DAB2IP: variants seen among roughly 807,000 people sequenced by gnomAD.
The protein encoded by DAB2IP is DAB2 interacting protein.
Under a neutral mutation model 107.2 loss-of-function variants are expected in DAB2IP, and 28 were observed. That is an observed-to-expected ratio of 0.26 (90% confidence interval 0.19 to 0.36). The LOEUF is 0.36. Ranked by LOEUF, DAB2IP falls within the 10% of genes least tolerant of loss-of-function variation. DAB2IP has a pLI of 1.00. For missense variants in DAB2IP, 1,400 were observed against 1,644.7 expected (o/e 0.85, Z 2.57); for synonymous variants, 755 against 706.4 (o/e 1.07, Z -1.09).
chr9:121,569,868 C>T (rs1829893939), intron 1 of DAB2IP, among the ~76,000 whole-genome samples: 1 of 152,200 alleles, frequency 6.6e-6, no homozygotes, highest in African/African-American at 2.4e-5. Context: ...AAGGTCACTG[C>T]AGCCTTGAAC....
intron 1 of DAB2IP, among the ~76,000 whole-genome samples, chr9:121,663,771 G>A (rs539963406): frequency 4.6e-5 from 7 of 152,342 alleles, no homozygotes; most frequent in African/African-American, 1.7e-4. Context: ...TGGGCCCTGG[G>A]GACATAGAGA....
chr9:121,616,662 T>G (rs1399110510), intron 1 of DAB2IP, among the ~76,000 whole-genome samples: 1 of 152,148 alleles, frequency 6.6e-6, no homozygotes, highest in Non-Finnish European at 1.5e-5. Context: ...TGAAGGGAAG[T>G]AAGGAGTTGA....
At chr9:121,617,510 G>A (rs982470293) in intron 1 of DAB2IP, among the ~76,000 whole-genome samples, 2 of 152,158 alleles carry the variant, frequency 1.3e-5, no homozygotes, top group Non-Finnish European at 2.9e-5. Context: ...CCAATACAGC[G>A]GTTTCCGTGG....
chr9:121,578,624 C>A (rs1353517219), intron 1 of DAB2IP, among the ~76,000 whole-genome samples: 1 of 151,168 alleles, frequency 6.6e-6, no homozygotes, highest in East Asian at 2.0e-4. Context: ...TATGAGGACC[C>A]CCCCATCGAC....
At chr9:121,778,184 G>A (rs1386590607) in intron 14 of DAB2IP, among the ~76,000 whole-genome samples, 1 of 152,194 alleles carries the variant, frequency 6.6e-6, no homozygotes, top group African/African-American at 2.4e-5. Context: ...TGTAGGGGGT[G>A]TGAGCAAGCT....
intron 1 of DAB2IP, among the ~76,000 whole-genome samples, chr9:121,616,621 G>T (rs959280988): frequency 6.6e-6 from 1 of 152,178 alleles, no homozygotes; most frequent in Admixed American, 6.5e-5. Context: ...GCATGGGAGC[G>T]CTCCTGACTG....
exon 13 of DAB2IP, chr9:121,774,395 C>G (rs761320372): frequency 1.2e-6 from 2 of 1,611,192 alleles, no homozygotes; most frequent in African/African-American, 1.3e-5. Flanking sequence ...TAAGGACGAG[C>G]TCAGCCAAGC....
chr9:121,615,410 C>T (rs1345677375), intron 1 of DAB2IP, among the ~76,000 whole-genome samples: 1 of 152,084 alleles, frequency 6.6e-6, no homozygotes, highest in African/African-American at 2.4e-5. Context: ...GGAGAGGTGG[C>T]GTTGTAGACA....
chr9:121,648,031 C>T (rs1161191295), upstream of DAB2IP, among the ~76,000 whole-genome samples: 1 of 151,976 alleles, frequency 6.6e-6, no homozygotes, highest in Non-Finnish European at 1.5e-5. Flanking sequence ...TATTCTCACT[C>T]ATAAGTGGGA....
intron 3 of DAB2IP, among the ~76,000 whole-genome samples, chr9:121,746,805 A>T (rs1335981644): frequency 6.6e-6 from 1 of 152,090 alleles, no homozygotes; most frequent in Non-Finnish European, 1.5e-5. Context: ...ATCATTTCCC[A>T]CTTGGGTCTC....
At chr9:121,762,645 C>T (rs1325985087) in intron 6 of DAB2IP, among the ~76,000 whole-genome samples, 1 of 152,208 alleles carries the variant, frequency 6.6e-6, no homozygotes, top group Non-Finnish European at 1.5e-5. Context: ...CTCCTGGGCA[C>T]CTTGCAGGCT....
chr9:121,609,230 G>T (rs897817966), intron 1 of DAB2IP, among the ~76,000 whole-genome samples: 2 of 152,176 alleles, frequency 1.3e-5, no homozygotes, highest in African/African-American at 4.8e-5. Flanking sequence ...CAGGTGTGAG[G>T]CACTGCGCCC....
At position 121,678,923 on chromosome 9, in the gene DAB2IP, C is replaced by A. The variant is rs1002353362; in HGVS notation, c.228+142C>A. 9.1e-6 allele frequency: 7 copies of A among 771,708 alleles called. No homozygotes were observed. The East Asian group carries it at 1.6e-4, about 18-fold the overall frequency. 47.8% of individuals were successfully genotyped at this position (771,708 alleles called of 1,614,324 possible). On this transcript the variant is annotated intron_variant, in intron 2 of 15. Transcript: ENST00000408936. Reference sequence around the variant, plus strand: ...TCCGGCCTCCCTTGCTCTAGGTATCCGATCCCTCAGCTGCTCCCATCTCCG... The same window carrying A: ...TCCGGCCTCCCTTGCTCTAGGTATCAGATCCCTCAGCTGCTCCCATCTCCG...
At chr9:121,730,358 C>G (rs904097702) in intron 3 of DAB2IP, among the ~76,000 whole-genome samples, 1 of 152,218 alleles carries the variant, frequency 6.6e-6, no homozygotes, top group African/African-American at 2.4e-5. Context: ...AGCTGTTTTC[C>G]TGCAACAGCA....
intron 3 of DAB2IP, among the ~76,000 whole-genome samples, chr9:121,712,316 C>G (rs1830374690): frequency 6.6e-6 from 1 of 152,258 alleles, no homozygotes; most frequent in Non-Finnish European, 1.5e-5. Context: ...TGTGGTCCCA[C>G]TAACCCTTTT....
chr9:121,688,249 G>C (rs1288115849), intron 2 of DAB2IP, among the ~76,000 whole-genome samples: 1 of 152,250 alleles, frequency 6.6e-6, no homozygotes, highest in Non-Finnish European at 1.5e-5. Flanking sequence ...TTATATCTGA[G>C]TTGTCAAGCG....
intron 3 of DAB2IP, among the ~76,000 whole-genome samples, chr9:121,733,012 G>T (rs557740790): frequency 6.6e-6 from 1 of 152,306 alleles, no homozygotes; most frequent in South Asian, 2.1e-4. Flanking sequence ...TCCTGAGTTG[G>T]CCCTCAATCT....
At position 121,635,188 on chromosome 9, in the gene DAB2IP, G is replaced by A. The variant is rs1413311411; in HGVS notation, c.41-43490G>A. 3.3e-5 allele frequency among the ~76,000 whole-genome samples: 5 copies of A among 152,158 alleles called. No homozygotes were observed. Among genetic ancestry groups the A allele is most frequent in the South Asian group, 2.1e-4 (1 of 4,824 alleles). ...GGTCAGCAGGTGGAGAAAGAGAGCC[G>A]TGTGTGGGGTCAAGGAGACCCTGGG... On this transcript the variant is annotated intron_variant, in intron 1 of 16. Transcript: ENST00000259371. This position sits in a 1 kb window ranked among gnomAD's most constrained non-coding sequence, Gnocchi z 4.3.
intron 1 of DAB2IP, among the ~76,000 whole-genome samples, chr9:121,652,415 A>T (rs1832783589): frequency 6.6e-6 from 1 of 152,160 alleles, no homozygotes; most frequent in South Asian, 2.1e-4. Flanking sequence ...CATCAAGCTC[A>T]GGAGGCAGGA....
Sources: allele counts gnomAD v4.1 joint callset (sites outside exome capture counted in the v4.1 genomes callset), GRCh38; gene constraint gnomAD v4.1.1; non-coding constraint Gnocchi (gnomAD v3.1); transcripts MANE v1.5; gene names NCBI Gene and HGNC (gene_info 2026-07-23, HGNC 2026-07-21).